The following CCSER1 variants were observed in gnomAD, a reference collection of about 807,000 sequenced individuals.
The protein encoded by CCSER1 is coiled-coil serine rich protein 1.
A neutral mutation model predicts 82.0 loss-of-function variants in CCSER1; 41 were observed. That is an observed-to-expected ratio of 0.50 (90% CI 0.39 to 0.65). CCSER1 has a LOEUF of 0.65. Ranked by LOEUF, CCSER1 falls within the 30% of genes least tolerant of loss-of-function variation. The probability of loss-of-function intolerance (pLI) is 0.00; values close to 1 mark genes in which losing one functional copy is unlikely to be tolerated. For missense variants in CCSER1, 1,119 were observed against 1,064.2 expected (o/e 1.05, Z -0.72); for synonymous variants, 414 against 383.9 (o/e 1.08, Z -0.92).
At chr4:91,032,291 A>G (rs1354019568) in intron 9 of CCSER1, among the ~76,000 whole-genome samples, 1 of 152,152 alleles carries the variant, frequency 6.6e-6, no homozygotes, top group Non-Finnish European at 1.5e-5. Flanking sequence ...TCCTAGAATA[A>G]TGTCTAACCC....
intron 1 of CCSER1, among the ~76,000 whole-genome samples, chr4:90,245,027 T>A (rs1004025008): frequency 6.6e-6 from 1 of 152,140 alleles, no homozygotes; most frequent in African/African-American, 2.4e-5. Context: ...TATCTCTTCA[T>A]GTAAGGTTTT....
intron 10 of CCSER1, among the ~76,000 whole-genome samples, chr4:91,491,186 T>C (rs1296225877): frequency 6.6e-6 from 1 of 151,530 alleles, no homozygotes; most frequent in African/African-American, 2.4e-5. Context: ...CCACTGCTAA[T>C]CAAATGAAAT....
At chr4:91,103,080 C>T (rs929412140) in intron 10 of CCSER1, among the ~76,000 whole-genome samples, 5 of 152,038 alleles carry the variant, frequency 3.3e-5, no homozygotes, top group African/African-American at 1.2e-4. Context: ...TCCTGTAAAC[C>T]CACAACGGAA....
chr4:90,899,336 G>A (rs894287018), intron 8 of CCSER1, among the ~76,000 whole-genome samples: 1 of 151,928 alleles, frequency 6.6e-6, no homozygotes, highest in African/African-American at 2.4e-5. Flanking sequence ...CATTGATCAG[G>A]TCTAGGCATT....
intron 10 of CCSER1, among the ~76,000 whole-genome samples, chr4:91,446,304 T>A: frequency 6.6e-6 from 1 of 152,230 alleles, no homozygotes; most frequent in African/African-American, 2.4e-5. Context: ...AGAAAACAAT[T>A]ATTTATTCAT....
intron 3 of CCSER1, chr4:90,370,408 G>A (rs187587387): frequency 1.3e-4 from 20 of 152,164 alleles, no homozygotes; most frequent in African/African-American, 4.8e-4. Flanking sequence ...AAGTATAAAT[G>A]GTAGGTTGGA....
intron 10 of CCSER1, among the ~76,000 whole-genome samples, chr4:91,362,988 A>C (rs1749349963): frequency 6.6e-6 from 1 of 151,760 alleles, no homozygotes; most frequent in Non-Finnish European, 1.5e-5. Context: ...ATCCAAGCTC[A>C]GTTTCAGACC....
chr4:91,307,051 T>G (rs879466824), intron 10 of CCSER1, among the ~76,000 whole-genome samples: 4 of 151,978 alleles, frequency 2.6e-5, no homozygotes, highest in African/African-American at 9.7e-5. Flanking sequence ...GTATGATGTT[T>G]TATAAGATAT....
intron 5 of CCSER1, among the ~76,000 whole-genome samples, chr4:90,579,260 T>A (rs1199742314): frequency 6.6e-6 from 1 of 152,170 alleles, no homozygotes; most frequent in Admixed American, 6.6e-5. Flanking sequence ...TGATTGTGTA[T>A]AATGCAGGTC....
intron 10 of CCSER1, among the ~76,000 whole-genome samples, chr4:91,548,622 G>A (rs1253278274): frequency 1.3e-5 from 2 of 151,032 alleles, no homozygotes; most frequent in African/African-American, 2.4e-5. Flanking sequence ...ATTTCTCATG[G>A]TATGTAATTC....
intron 10 of CCSER1, among the ~76,000 whole-genome samples, chr4:91,440,785 C>T (rs1479830519): frequency 6.6e-6 from 1 of 151,974 alleles, no homozygotes; most frequent in East Asian, 1.9e-4. Flanking sequence ...TGATAAAGGG[C>T]ATATCACCAC....
At chr4:90,566,933 A>G (rs1223721387) in intron 5 of CCSER1, among the ~76,000 whole-genome samples, 5 of 151,512 alleles carry the variant, frequency 3.3e-5, no homozygotes, top group African/African-American at 1.2e-4. Context: ...ACTTGTATCA[A>G]TTGTAACGTC....
intron 10 of CCSER1, among the ~76,000 whole-genome samples, chr4:91,159,694 G>T (rs1731182200): frequency 6.6e-6 from 1 of 151,766 alleles, no homozygotes; most frequent in Non-Finnish European, 1.5e-5. Flanking sequence ...TTAAAAATTA[G>T]AATCAGTGAA....
At chr4:90,187,384 G>A (rs1219967046) in intron 1 of CCSER1, among the ~76,000 whole-genome samples, 4 of 132,412 alleles carry the variant, frequency 3.0e-5, no homozygotes, top group Admixed American at 8.1e-5. Flanking sequence ...TTTGGCCACC[G>A]TTGAAATCAT....
At chr4:90,897,091 C>T (rs955673105) in intron 8 of CCSER1, among the ~76,000 whole-genome samples, 15 of 151,780 alleles carry the variant, frequency 9.9e-5, no homozygotes, top group African/African-American at 3.6e-4. Flanking sequence ...GGACCAATTA[C>T]ACTTTTTTTT....
intron 6 of CCSER1, among the ~76,000 whole-genome samples, chr4:90,651,700 A>C (rs1728780259): frequency 6.7e-6 from 1 of 149,026 alleles, no homozygotes; most frequent in Non-Finnish European, 1.5e-5. Context: ...AAAAAAAAAA[A>C]GTTTGTAAAG....
chr4:90,848,793 T>G (rs1044749124), intron 8 of CCSER1, among the ~76,000 whole-genome samples: 7 of 152,200 alleles, frequency 4.6e-5, no homozygotes, highest in African/African-American at 1.7e-4. Context: ...GCTGTTCTCG[T>G]GTTAGTGAGT....
chr4:90,704,020 T>C (rs530936856), intron 6 of CCSER1, among the ~76,000 whole-genome samples: 2 of 152,300 alleles, frequency 1.3e-5, no homozygotes, highest in African/African-American at 4.8e-5. Flanking sequence ...GTCTTTATGA[T>C]GTTAGGTGTT....
chr4:91,388,080 G>A (rs1038309497), intron 10 of CCSER1, among the ~76,000 whole-genome samples: 1 of 151,856 alleles, frequency 6.6e-6, no homozygotes, highest in Admixed American at 6.6e-5. Flanking sequence ...AATTGATAAT[G>A]AAATGGCAAA....
Sources: allele counts gnomAD v4.1 joint callset (sites outside exome capture counted in the v4.1 genomes callset), GRCh38; gene constraint gnomAD v4.1.1; transcripts MANE v1.5; gene names NCBI Gene and HGNC (gene_info 2026-07-23, HGNC 2026-07-21).